The following SYT14 variants were observed in gnomAD, a reference collection of about 807,000 sequenced individuals.
The protein encoded by SYT14 is synaptotagmin 14.
In SYT14, 32 loss-of-function variants were observed where a neutral mutation model predicts 74.2. That is an observed-to-expected ratio of 0.43 (90% CI 0.33 to 0.58). The LOEUF (loss-of-function observed/expected upper bound fraction) is 0.58, where lower values mean the gene tolerates loss of function less well. Among genes scored for constraint, SYT14 ranks in the 20% least tolerant of loss-of-function variants. SYT14 has a pLI of 0.05. For synonymous variants in SYT14, 298 were observed against 337.7 expected, an observed-to-expected ratio of 0.88 and a Z score of 1.29; for missense variants, 791 against 981.8, an observed-to-expected ratio of 0.81 and a Z score of 2.60.
In SYT14 at chr1:210,159,494, G is replaced by A; in HGVS notation, c.2281+17G>A. 4 of 1,550,804 alleles carry A rather than the reference G, an allele frequency of 2.6e-6. No homozygotes were observed. Among genetic ancestry groups the A allele is most frequent in the East Asian group, 2.4e-5 (1 of 40,866 alleles). Reference sequence around the variant, plus strand: ...TAATCCGAGGTGAGTTCCTGTAGAGGCTAATTGGATGTTGTCTTTTCATGC... The same window carrying A: ...TAATCCGAGGTGAGTTCCTGTAGAGACTAATTGGATGTTGTCTTTTCATGC... On this transcript the variant is annotated intron_variant, in intron 9 of 9. Transcript: ENST00000637265.
intron 4 of SYT14, among the ~76,000 whole-genome samples, chr1:210,018,969 C>G (rs2102943486): frequency 6.6e-6 from 1 of 151,906 alleles, no homozygotes; most frequent in East Asian, 1.9e-4. Flanking sequence ...AACCCCGTCT[C>G]TACTAAAAAT....
intron 2 of SYT14, among the ~76,000 whole-genome samples, chr1:209,963,132 C>T (rs1047636574): frequency 6.6e-6 from 1 of 152,120 alleles, no homozygotes; most frequent in Non-Finnish European, 1.5e-5. Context: ...CTGCCTGGCC[C>T]TTGGTTCAAG....
chr1:210,082,728 C>T (rs1450116049), intron 5 of SYT14, among the ~76,000 whole-genome samples: 1 of 152,192 alleles, frequency 6.6e-6, no homozygotes, highest in Non-Finnish European at 1.5e-5. Context: ...ACATTGCTAA[C>T]TGGTGTTCCT....
intron 5 of SYT14, among the ~76,000 whole-genome samples, chr1:210,059,449 TATAGAGAGAGAG>T (rs1280261920): frequency 1.1e-5 from 1 of 89,708 alleles, no homozygotes; most frequent in South Asian, 4.0e-4. Flanking sequence ...TATATATATA[TATAGAGAGAGAG>T]AGAGAGAGAG....
chr1:209,961,819 A>G (rs756835970), intron 2 of SYT14, among the ~76,000 whole-genome samples: 5 of 152,054 alleles, frequency 3.3e-5, no homozygotes, highest in Non-Finnish European at 5.9e-5. Context: ...CTTTGAATGT[A>G]TGAGACCTAC....
At chr1:209,940,434 A>G (rs898657534) in intron 1 of SYT14, among the ~76,000 whole-genome samples, 4 of 152,140 alleles carry the variant, frequency 2.6e-5, no homozygotes, top group Non-Finnish European at 5.9e-5. Context: ...CAAAAAGATA[A>G]GTAAGACTAT....
chr1:210,044,825 G>A (rs1178129308), intron 5 of SYT14, among the ~76,000 whole-genome samples: 3 of 152,180 alleles, frequency 2.0e-5, no homozygotes, highest in African/African-American at 7.2e-5. Flanking sequence ...GAGGCCTCAG[G>A]GAGCTTTTAC....
At chr1:209,952,410 G>A (rs1051185347) in intron 1 of SYT14, among the ~76,000 whole-genome samples, 9 of 152,240 alleles carry the variant, frequency 5.9e-5, no homozygotes, top group Admixed American at 3.3e-4. Flanking sequence ...CCTTCTAGAC[G>A]ATGTGAAGAG....
chr1:210,019,131 C>CAAAAAAAAAAA (rs1215149823), intron 4 of SYT14, among the ~76,000 whole-genome samples: 1 of 56,682 alleles, frequency 1.8e-5, no homozygotes, highest in Non-Finnish European at 3.1e-5. Flanking sequence ...TGAGACTCCT[C>CAAAAAAAAAAA]AAAAAAAAAA....
chr1:209,956,068 C>T (rs1250150245), intron 2 of SYT14, among the ~76,000 whole-genome samples: 1 of 152,066 alleles, frequency 6.6e-6, no homozygotes, highest in Non-Finnish European at 1.5e-5. Context: ...AGATTGTAAG[C>T]ACCCATCTTA....
chr1:209,952,747 A>T (rs1312166884), exon 2 of SYT14: 3 of 1,610,320 alleles, frequency 1.9e-6, no homozygotes, highest in Non-Finnish European at 2.5e-6. Context: ...ACTTATCTGT[A>T]TTAGAAAAGG....
chr1:210,067,517 C>T (rs1205257880), intron 5 of SYT14, among the ~76,000 whole-genome samples: 5 of 151,902 alleles, frequency 3.3e-5, no homozygotes, highest in Non-Finnish European at 5.9e-5. Context: ...TTGTGTCATG[C>T]GTTAGAATTT....
chr1:210,043,587 C>A (rs766536067), intron 5 of SYT14, among the ~76,000 whole-genome samples: 1 of 152,066 alleles, frequency 6.6e-6, no homozygotes, highest in Non-Finnish European at 1.5e-5. Flanking sequence ...TATTTTGGAA[C>A]CAGAATTAAC....
chr1:210,084,195 C>T (rs1004082496), intron 5 of SYT14, among the ~76,000 whole-genome samples: 1 of 152,190 alleles, frequency 6.6e-6, no homozygotes, highest in African/African-American at 2.4e-5. Context: ...CCTTGCTCTG[C>T]ATGATACTCA....
At chr1:210,165,472 A>G (rs1377151873) in exon 10 of SYT14, 1 of 152,146 alleles carries the variant, frequency 6.6e-6, no homozygotes, top group Non-Finnish European at 1.5e-5. Flanking sequence ...TTCCAAAAGC[A>G]TATTAATCAG....
intron 2 of SYT14, among the ~76,000 whole-genome samples, chr1:210,008,503 A>G (rs2080029591): frequency 6.6e-6 from 1 of 152,122 alleles, no homozygotes; most frequent in African/African-American, 2.4e-5. Flanking sequence ...AGCTGGGATT[A>G]GAGGTGCCCG....
chr1:210,022,267 G>A (rs893948048), intron 5 of SYT14, among the ~76,000 whole-genome samples: 5 of 152,130 alleles, frequency 3.3e-5, no homozygotes, highest in Admixed American at 6.6e-5. Flanking sequence ...CTAAAGATTA[G>A]TGCACCTCAA....
intron 7 of SYT14, among the ~76,000 whole-genome samples, chr1:210,144,737 A>G (rs1442112624): frequency 5.3e-5 from 8 of 152,140 alleles, no homozygotes; most frequent in Non-Finnish European, 5.9e-5. Flanking sequence ...TAATAAAAAC[A>G]TTTATATTAA....
intron 5 of SYT14, among the ~76,000 whole-genome samples, chr1:210,038,225 A>G (rs1351910736): frequency 6.6e-6 from 1 of 152,058 alleles, no homozygotes; most frequent in Non-Finnish European, 1.5e-5. Flanking sequence ...ATCTGATATA[A>G]ATGTAGCTAT....
Sources: gnomAD v4.1 joint callset for allele counts (sites outside exome capture counted in the v4.1 genomes callset) on GRCh38, gnomAD v4.1.1 for gene constraint, MANE v1.5 for transcripts, NCBI Gene and HGNC (gene_info 2026-07-23, HGNC 2026-07-21) for gene names.